Variants in CELSR1 observed in about 807,000 individuals in gnomAD.
CELSR1 encodes adhesion G protein-coupled receptor C1.
Under a neutral mutation model 249.1 loss-of-function variants are expected in CELSR1, and 110 were observed. The observed-to-expected ratio is 0.44, with a 90% CI of 0.38 to 0.52. The LOEUF is 0.52. CELSR1 is among the 20% of genes least tolerant of loss of function. The pLI is 0.00. For synonymous variants in CELSR1, 2,113 were observed against 1,900.0 expected, an observed-to-expected ratio of 1.11 and a Z score of -2.92; for missense variants, 4,109 against 4,296.4, an observed-to-expected ratio of 0.96 and a Z score of 1.22.
At position 46,381,155 on chromosome 22, in the gene CELSR1, G is replaced by T. The variant is rs574388302; in HGVS notation, c.7089-200C>A. On this transcript the variant is annotated intron_variant, in intron 21 of 34. Coordinates refer to ENST00000674500, the MANE Select transcript of CELSR1 (RefSeq NM_001378328.1). The surrounding 1 kb of genome is among the most constrained non-coding windows in gnomAD (Gnocchi z 6.0). ...ATCACTGACAGGGCACACAGAGAGAGGTGTCACCTTTGGGTCAAATTGGGA... is the reference window on the plus strand; with the variant it reads ...ATCACTGACAGGGCACACAGAGAGATGTGTCACCTTTGGGTCAAATTGGGA... Among the ~76,000 whole-genome samples the T allele has an allele frequency of 1.4e-4, 22 of 152,234 alleles. 1 individual carries two copies. In the South Asian group the frequency reaches 4.6e-3, roughly 32 times the overall value.
Position 46,399,961 on chromosome 22 carries a change from T to C in CELSR1, c.5227-59A>G. 6.5e-7 allele frequency: 1 copy of C among 1,542,880 alleles called. No homozygotes were observed. The highest frequency in any genetic ancestry group is 8.9e-7 in the Non-Finnish European group (1 of 1,126,698). On this transcript the variant is annotated intron_variant, in intron 9 of 34. Coordinates refer to ENST00000674500, the MANE Select transcript of CELSR1 (RefSeq NM_001378328.1). The surrounding 1 kb of genome is among the most constrained non-coding windows in gnomAD (Gnocchi z 5.0). ...ACAATGACAATGAAAGAGAAAACAT[T>C]TTGCAGTCACTTAAACAAGGAAGCT...
chr22:46,380,119 A>G lies in CELSR1; in HGVS notation c.7256+669T>C, dbSNP rs2078961183. On this transcript the variant is annotated intron_variant, in intron 22 of 34. Transcript: ENST00000674500. This position sits in a 1 kb window ranked among gnomAD's most constrained non-coding sequence, Gnocchi z 5.1. Reference sequence around the variant, plus strand: ...AGACGGGAGCCACACTGTGGTGCTGAATCCAGTCTCACGTGTGGGTGAGAA... The same window carrying G: ...AGACGGGAGCCACACTGTGGTGCTGGATCCAGTCTCACGTGTGGGTGAGAA... Among the ~76,000 whole-genome samples the G allele has an allele frequency of 6.6e-6, 1 of 152,252 alleles. No homozygotes were observed. The highest frequency in any genetic ancestry group is 1.5e-5 in the Non-Finnish European group (1 of 68,050).
At chr22:46,497,471 T>C (rs1001710650) in intron 1 of CELSR1, among the ~76,000 whole-genome samples, 1 of 152,146 alleles carries the variant, frequency 6.6e-6, no homozygotes, top group Admixed American at 6.5e-5. Flanking sequence ...CTGTCCCGGG[T>C]CTCTGGTAGT....
chr22:46,524,572 C>CGTGTG lies in CELSR1; in HGVS notation c.3544+9054_3544+9055insCACAC, dbSNP rs2080720267. ...TGTGTGTGTGTGTGTGTGTGTGTGT[C>CGTGTG]TGTCTGTCTGTGTGTTTTGTTTGCT... On this transcript the variant is annotated intron_variant, in intron 1 of 34. Coordinates refer to ENST00000674500, the MANE Select transcript of CELSR1 (RefSeq NM_001378328.1). 2.6e-5 allele frequency among the ~76,000 whole-genome samples: 3 copies of CGTGTG among 113,820 alleles called. No individual in the cohort carries two copies. In the South Asian group the frequency reaches 8.7e-4, roughly 33 times the overall value. 74.7% of individuals were successfully genotyped at this position (113,820 alleles called of 152,430 possible). A position where few individuals can be genotyped will look rare whatever the true frequency, so the allele number is the denominator to read the frequency against.
intron 1 of CELSR1, among the ~76,000 whole-genome samples, chr22:46,523,372 TA>T (rs1318545118): frequency 6.6e-6 from 1 of 151,690 alleles, no homozygotes; most frequent in Non-Finnish European, 1.5e-5. Flanking sequence ...CTACTAAAAA[TA>T]CAAAAATTAG....
rs1264171243 is a variant in CELSR1 at position 46,389,451 on chromosome 22, G to A, written c.6394C>T (p.Leu2132=). 3 of 1,613,066 alleles carry A rather than the reference G, an allele frequency of 1.9e-6. No individual in the cohort carries two copies. The highest frequency in any genetic ancestry group is 3.3e-5 in the Admixed American group (2 of 60,008). ...CTGCGCAGCGCCCTCACCAGCTGCA[G>A]GGCCCTGGCGCCGTCCACCTGCGTC... ...NETQVDGARA[L]QLVRALRSAT... The change falls in exon 18 of 35, where the codon CTG becomes TTG. Residue 2132 remains leucine, a synonymous_variant. Coordinates refer to ENST00000674500, the MANE Select transcript of CELSR1 (RefSeq NM_001378328.1).
At chr22:46,474,626 C>T (rs1231869865) in intron 1 of CELSR1, among the ~76,000 whole-genome samples, 1 of 152,018 alleles carries the variant, frequency 6.6e-6, no homozygotes, top group Non-Finnish European at 1.5e-5. Flanking sequence ...ATATACAATA[C>T]AATATTATTA....
chr22:46,414,939 C>G (rs2079381941), intron 5 of CELSR1, among the ~76,000 whole-genome samples: 1 of 152,194 alleles, frequency 6.6e-6, no homozygotes, highest in South Asian at 2.1e-4. Flanking sequence ...GAATCGCAGC[C>G]ACCGAAAGGC....
chr22:46,387,779 G>A (rs1383472594), intron 18 of CELSR1, among the ~76,000 whole-genome samples: 1 of 152,126 alleles, frequency 6.6e-6, no homozygotes, highest in African/African-American at 2.4e-5. Context: ...CCTGCCAGGG[G>A]TTTTTCCACG....
At chr22:46,525,320 G>A (rs765508704) in intron 1 of CELSR1, among the ~76,000 whole-genome samples, 31 of 152,036 alleles carry the variant, frequency 2.0e-4, no homozygotes, top group Non-Finnish European at 3.7e-4. Flanking sequence ...GTGGTGGTGC[G>A]CGCCTGTCAT....
In CELSR1 at chr22:46,380,339, A is replaced by G. The variant is rs9615355; in HGVS notation, c.7256+449T>C. Among the ~76,000 whole-genome samples the G allele has an allele frequency of 0.25, 38,439 of 152,094 alleles. 7,628 individuals carry two copies. Among genetic ancestry groups the G allele is most frequent in the African/African-American group, 0.56 (23,085 of 41,452 alleles). ...GGGGGTGAAGCCAGTCCCCACAGCT[A>G]GACTGTGTCAGCCTCTCGGGCAAGA... On this transcript the variant is annotated intron_variant, in intron 22 of 34. Transcript: ENST00000674500. This position sits in a 1 kb window ranked among gnomAD's most constrained non-coding sequence, Gnocchi z 5.1.
chr22:46,455,422 G>A (rs13056139), intron 2 of CELSR1, among the ~76,000 whole-genome samples: 36,131 of 151,978 alleles, frequency 0.24, 4,605 homozygotes, highest in Non-Finnish European at 0.27. Flanking sequence ...TACAGACGGT[G>A]TTTCACCATG....
chr22:46,379,430 C>T (rs2078953502), intron 22 of CELSR1, among the ~76,000 whole-genome samples: 1 of 152,202 alleles, frequency 6.6e-6, no homozygotes, highest in African/African-American at 2.4e-5. Context: ...ACAAACTTTA[C>T]AATCTGGGAA....
At chr22:46,366,308 G>GACACAGGTTGGGGTGGCAGGGGCAAAA in intron 30 of CELSR1, 78 bp downstream of exon 30, 2 of 925,592 alleles carry the variant, frequency 2.2e-6, no homozygotes, top group Non-Finnish European at 2.9e-6. Context: ...TGAATGGCAG[G>GACACAGGTTGGGGTGGCAGGGGCAAAA]ACACAGGTTG....
intron 1 of CELSR1, among the ~76,000 whole-genome samples, chr22:46,524,779 T>G (rs1352038666): frequency 6.6e-6 from 1 of 152,138 alleles, no homozygotes; most frequent in Non-Finnish European, 1.5e-5. Context: ...CAGTCACTGG[T>G]GTTTTCCTGA....
chr22:46,535,208 A>G lies in CELSR1; in HGVS notation c.1963T>C (p.Phe655Leu). ...LDREEVEHYS[F>L]GVEAVDHGSP... The stretch of plus-strand genomic sequence containing the variant: ...CCGTGGTCCACCGCCTCCACCCCGA[A>G]GCTGTAGTGCTCCACCTCCTCGCGG... The change falls in exon 1 of 35, where the codon TTC (phenylalanine) becomes CTC (leucine). Residue 655 changes from phenylalanine (F) to leucine (L), a missense_variant. Coordinates refer to ENST00000674500, the MANE Select transcript of CELSR1 (RefSeq NM_001378328.1). The G allele has an allele frequency of 6.2e-7, 1 of 1,609,584 alleles. No individual in the cohort carries two copies. Among genetic ancestry groups the G allele is most frequent in the Non-Finnish European group, 8.5e-7 (1 of 1,179,886 alleles).
At chr22:46,382,484 G>C (rs980063098) in intron 20 of CELSR1, among the ~76,000 whole-genome samples, 10 of 152,076 alleles carry the variant, frequency 6.6e-5, no homozygotes, top group African/African-American at 2.4e-4. Context: ...CACCTTGTTA[G>C]CCAGGATGGT....
rs182710608 is a variant in CELSR1 at position 46,458,886 on chromosome 22, T to G, written c.4183+4821A>C. Among the ~76,000 whole-genome samples, 13 of 150,424 alleles carry G rather than the reference T, an allele frequency of 8.6e-5. No individual in the cohort carries two copies. In the East Asian group the frequency reaches 1.8e-3, roughly 20 times the overall value. The stretch of plus-strand genomic sequence containing the variant: ...TAGAGAGTACTGTTCCCAGTTTAGG[T>G]TTTTTTTTGTTTGTGTTTTTGTTTT... On this transcript the variant is annotated intron_variant, in intron 2 of 34. Transcript: ENST00000674500.
Position 46,517,632 on chromosome 22 carries a change from G to A in CELSR1, c.3544+15995C>T, listed in dbSNP as rs901868530. ...CACAGACGCACCCCTGACCTCTGAC[G>A]GCCACATGCAGGACAGACAGGAAGT... On this transcript the variant is annotated intron_variant, in intron 1 of 34. Transcript: ENST00000674500. This position sits in a 1 kb window ranked among gnomAD's most constrained non-coding sequence, Gnocchi z 5.4. Among the ~76,000 whole-genome samples the A allele has an allele frequency of 4.6e-5, 7 of 152,154 alleles. No homozygotes were observed. The highest frequency in any genetic ancestry group is 3.9e-4 in the East Asian group (2 of 5,190).
Sources: allele counts gnomAD v4.1 joint callset (sites outside exome capture counted in the v4.1 genomes callset), GRCh38; gene constraint gnomAD v4.1.1; non-coding constraint Gnocchi (gnomAD v3.1); transcripts MANE v1.5; gene names NCBI Gene and HGNC (gene_info 2026-07-23, HGNC 2026-07-21).